Variants in TTL observed in about 807,000 individuals in gnomAD.
TTL encodes the protein tubulin--tyrosine ligase.
A neutral mutation model predicts 41.1 loss-of-function variants in TTL; 10 were observed. The ratio of observed to expected loss-of-function variants is 0.24; its 90% CI spans 0.15 to 0.41. The LOEUF (loss-of-function observed/expected upper bound fraction) is 0.41, where lower values mean the gene tolerates loss of function less well. Ranked by LOEUF, TTL falls within the 10% of genes least tolerant of loss-of-function variation. The pLI, the probability that TTL is intolerant of heterozygous loss-of-function variation, is 1.00. For synonymous variants in TTL, 175 were observed against 175.5 expected (o/e 1.00, Z 0.02); for missense variants, 367 against 460.4 (o/e 0.80, Z 1.86).
At chr2:112,485,354 TC>T (rs748701526) in intron 1 of TTL, among the ~76,000 whole-genome samples, 6 of 152,360 alleles carry the variant, frequency 3.9e-5, no homozygotes, top group Non-Finnish European at 7.3e-5. Context: ...AAAATGAGTT[TC>T]CCCATGGAAT....
At chr2:112,488,507 C>G (rs554676397) in intron 2 of TTL, among the ~76,000 whole-genome samples, 2 of 152,256 alleles carry the variant, frequency 1.3e-5, no homozygotes, top group South Asian at 4.1e-4. Context: ...CCTGTAATCT[C>G]AGCACTTTGG....
chr2:112,512,248 C>T (rs1405988357), intron 5 of TTL, among the ~76,000 whole-genome samples: 3 of 151,408 alleles, frequency 2.0e-5, no homozygotes, highest in Non-Finnish European at 2.9e-5. Flanking sequence ...TGTGCCACCA[C>T]GCTCAGCTAA....
chr2:112,516,534 C>A (rs936264270), intron 5 of TTL, among the ~76,000 whole-genome samples: 1 of 152,138 alleles, frequency 6.6e-6, no homozygotes, highest in Admixed American at 6.5e-5. Flanking sequence ...ATTAGCCAGG[C>A]ATGGTGGCAT....
At position 112,530,994 on chromosome 2, in the gene TTL, G is replaced by A. The variant is rs1293621105; in HGVS notation, c.*2199G>A. 1.6e-5 allele frequency: 3 copies of A among 186,506 alleles called. No homozygotes were observed. Among genetic ancestry groups the A allele is most frequent in the African/African-American group, 2.3e-5 (1 of 42,598 alleles). The allele number at this position is 186,506 out of a possible 1,614,324, so 11.6% of individuals were successfully genotyped here. A position where few individuals can be genotyped will look rare whatever the true frequency, so the allele number is the denominator to read the frequency against. On this transcript the variant is annotated 3_prime_UTR_variant, in exon 7 of 7. Transcript: ENST00000233336. The stretch of plus-strand genomic sequence containing the variant: ...TTTAAATAAAATTTTACAGAGACGT[G>A]GTCTCACTGTGTTGCCCAGGCTGGA...
chr2:112,514,197 C>A (rs1682005596), intron 5 of TTL, among the ~76,000 whole-genome samples: 1 of 152,052 alleles, frequency 6.6e-6, no homozygotes, highest in Admixed American at 6.6e-5. Flanking sequence ...CAGCCTGATA[C>A]ATGCTGAAAC....
Position 112,539,605 on chromosome 2 carries a change from C to G in TTL, c.*10810C>G, listed in dbSNP as rs1329829039. 3 of 152,080 alleles carry G rather than the reference C, an allele frequency of 2.0e-5. No individual in the cohort carries two copies. Among genetic ancestry groups the G allele is most frequent in the Non-Finnish European group, 4.4e-5 (3 of 68,022 alleles). 9.4% of individuals were successfully genotyped at this position (152,080 alleles called of 1,614,324 possible). A position where few individuals can be genotyped will look rare whatever the true frequency, so the allele number is the denominator to read the frequency against. On this transcript the variant is annotated 3_prime_UTR_variant, in exon 7 of 7. Transcript: ENST00000233336. ...GAAAGCTCCAGTTGGGAGCTTTCTT[C>G]CCAATATCAGGCACAAAACAAGTAT...
rs1682464746 is a variant in TTL at position 112,529,865 on chromosome 2, A to G, written c.*1070A>G. 2 of 223,666 alleles carry G rather than the reference A, an allele frequency of 8.9e-6. No homozygotes were observed. Among genetic ancestry groups the G allele is most frequent in the Non-Finnish European group, 1.8e-5 (2 of 112,074 alleles). The allele number at this position is 223,666 out of a possible 1,614,324, so 13.9% of individuals were successfully genotyped here. A position where few individuals can be genotyped will look rare whatever the true frequency, so the allele number is the denominator to read the frequency against. ...TCCTGCCTGAATGGGGAAGTCTTCT[A>G]AAATGGGAAAGAAGTGGTTTCATCT... On this transcript the variant is annotated 3_prime_UTR_variant, in exon 7 of 7. Transcript: ENST00000233336.
intron 5 of TTL, among the ~76,000 whole-genome samples, chr2:112,513,131 A>G (rs902871663): frequency 3.9e-5 from 6 of 152,066 alleles, no homozygotes; most frequent in South Asian, 2.1e-4. Context: ...ATATCTACAC[A>G]TTGAAATCTC....
intron 3 of TTL, among the ~76,000 whole-genome samples, chr2:112,497,210 C>G (rs1681558025): frequency 6.6e-6 from 1 of 152,132 alleles, no homozygotes; most frequent in Admixed American, 6.6e-5. Context: ...GAGATGAAGT[C>G]TCACTGTGTT....
At chr2:112,524,126 G>A (rs188176789) in intron 6 of TTL, among the ~76,000 whole-genome samples, 4 of 152,144 alleles carry the variant, frequency 2.6e-5, no homozygotes, top group Admixed American at 1.3e-4. Flanking sequence ...ACATGAACTC[G>A]TCCTTTCTTA....
rs1057180428 is a variant in TTL, at chr2:112,535,557, A to G, written c.*6762A>G. The G allele has an allele frequency of 6.6e-6, 1 of 150,520 alleles. No individual in the cohort carries two copies. Among genetic ancestry groups the G allele is most frequent in the African/African-American group, 2.5e-5 (1 of 39,840 alleles). The allele number at this position is 150,520 out of a possible 1,614,324, so 9.3% of individuals were successfully genotyped here. A position where few individuals can be genotyped will look rare whatever the true frequency, so the allele number is the denominator to read the frequency against. On this transcript the variant is annotated 3_prime_UTR_variant, in exon 7 of 7. Coordinates refer to ENST00000233336, the MANE Select transcript of TTL (RefSeq NM_153712.5). ...ATATATAGTAAAAAATGACAAGGAAACAGAAATGTTACACTAGAAAATATA... is the reference window on the plus strand; with the variant it reads ...ATATATAGTAAAAAATGACAAGGAAGCAGAAATGTTACACTAGAAAATATA...
chr2:112,509,695 C>G (rs1014395030), intron 5 of TTL, among the ~76,000 whole-genome samples: 1 of 152,234 alleles, frequency 6.6e-6, no homozygotes, highest in Admixed American at 6.5e-5. Context: ...CGCACACACA[C>G]TGGCCTGCGC....
intron 6 of TTL, among the ~76,000 whole-genome samples, chr2:112,521,963 C>T (rs533716031): frequency 2.6e-5 from 4 of 152,314 alleles, no homozygotes; most frequent in African/African-American, 7.2e-5. Context: ...ACCAAATCAA[C>T]AGTGGTGTGC....
intron 5 of TTL, among the ~76,000 whole-genome samples, chr2:112,517,373 G>A (rs1323562524): frequency 1.3e-5 from 2 of 151,528 alleles, no homozygotes; most frequent in Non-Finnish European, 2.9e-5. Context: ...TTAGCCTCCC[G>A]ACTAGCTGGG....
chr2:112,515,948 GAATAAATAAATA>G (rs59842188), intron 5 of TTL, among the ~76,000 whole-genome samples: 2,887 of 145,574 alleles, frequency 0.02, 45 homozygotes, highest in African/African-American at 0.024. Context: ...CTCCATCTCA[GAATAAATAAATA>G]AATAAATAAA....
At position 112,532,861 on chromosome 2, in the gene TTL, A is replaced by G. The variant is rs1682538831; in HGVS notation, c.*4066A>G. 1 of 152,394 alleles carries G rather than the reference A, an allele frequency of 6.6e-6. No individual in the cohort carries two copies. The highest frequency in any genetic ancestry group is 1.5e-5 in the Non-Finnish European group (1 of 68,196). The allele number at this position is 152,394 out of a possible 1,614,324, so 9.4% of individuals were successfully genotyped here. A position where few individuals can be genotyped will look rare whatever the true frequency, so the allele number is the denominator to read the frequency against. ...TACATAAGCCAACAGATTGTCCTTC[A>G]AAACTGATGAGCTTCTCAGTGAAGC... On this transcript the variant is annotated 3_prime_UTR_variant, in exon 7 of 7. Coordinates refer to ENST00000233336, the MANE Select transcript of TTL (RefSeq NM_153712.5).
chr2:112,489,260 A>G (rs376121370), intron 2 of TTL, among the ~76,000 whole-genome samples: 4 of 152,344 alleles, frequency 2.6e-5, no homozygotes, highest in Admixed American at 2.0e-4. Context: ...TCTTAATTCA[A>G]ACAGTAAATT....
In TTL at chr2:112,484,508, G is replaced by A. The variant is rs533239616; in HGVS notation, c.158-1409G>A. Among the ~76,000 whole-genome samples the A allele has an allele frequency of 2.0e-5, 3 of 152,014 alleles. No homozygotes were observed. The South Asian group carries it at 6.2e-4, about 32-fold the overall frequency. ...TCGAACTCCTGACCTCAGGTGATCC[G>A]CCCACTTCGTCCTCCCAAAGTGCTG... On this transcript the variant is annotated intron_variant, in intron 1 of 6. Coordinates refer to ENST00000233336, the MANE Select transcript of TTL (RefSeq NM_153712.5).
At chr2:112,525,066 G>C (rs996236979) in intron 6 of TTL, among the ~76,000 whole-genome samples, 1 of 152,132 alleles carries the variant, frequency 6.6e-6, no homozygotes, top group African/African-American at 2.4e-5. Flanking sequence ...CTCATTTCTT[G>C]TTTTTATCAG....
Sources: allele counts gnomAD v4.1 joint callset (sites outside exome capture counted in the v4.1 genomes callset), GRCh38; gene constraint gnomAD v4.1.1; transcripts MANE v1.5; gene names NCBI Gene and HGNC (gene_info 2026-07-23, HGNC 2026-07-21).